Variants in HNRNPU observed in about 807,000 individuals in gnomAD.
The protein encoded by HNRNPU is heterogeneous nuclear ribonucleoprotein U, also known as HNRNPU antisense RNA 1.
Under a neutral mutation model 94.7 loss-of-function variants are expected in HNRNPU, and 5 were observed. The observed-to-expected ratio is 0.05, with a 90% confidence interval of 0.03 to 0.11. The LOEUF is 0.11. Ranked by LOEUF, HNRNPU falls within the 10% of genes least tolerant of loss-of-function variation. The pLI is 1.00. For missense variants in HNRNPU, 710 were observed against 1,049.2 expected (o/e 0.68, Z 4.47); for synonymous variants, 434 against 381.6 (o/e 1.14, Z -1.60).
At chr1:244,859,552 A>G in intron 4 of HNRNPU, 178 bp from the exon 5 acceptor site, 1 of 425,754 alleles carries the variant, frequency 2.3e-6, no homozygotes, top group Non-Finnish European at 4.2e-6. Flanking sequence ...ATAACTTGAA[A>G]TTTAAAGAGT....
Position 244,864,451 on chromosome 1 carries a change from T to C in HNRNPU, c.-144A>G. The stretch of plus-strand genomic sequence containing the variant: ...AGATGGGTTCGTGCTGCAGAGCGGA[T>C]CCGCCTGGTGTCGAACGGCGCCAAT... On this transcript the variant is annotated 5_prime_UTR_variant, in exon 1 of 14. Transcript: ENST00000640218. 7.1e-7 allele frequency: 1 copy of C among 1,406,390 alleles called. No individual in the cohort carries two copies. Among genetic ancestry groups the C allele is most frequent in the Non-Finnish European group, 9.6e-7 (1 of 1,046,422 alleles). The allele number at this position is 1,406,390 out of a possible 1,614,324, so 87.1% of individuals were successfully genotyped here. A position where few individuals can be genotyped will look rare whatever the true frequency, so the allele number is the denominator to read the frequency against.
At chr1:244,855,339 A>C in intron 12 of HNRNPU, 85 bp downstream of exon 12, 1 of 1,275,382 alleles carries the variant, frequency 7.8e-7, no homozygotes, top group South Asian at 1.3e-5. Flanking sequence ...CTTACGGATT[A>C]CTAAGACACC....
chr1:244,856,663 T>C (rs1680688240), intron 9 of HNRNPU, 38 bp from the exon 10 acceptor site: 1 of 1,610,642 alleles, frequency 6.2e-7, no homozygotes, highest in Non-Finnish European at 8.5e-7. Context: ...ACCCTAAACA[T>C]TAATTCTACA....
chr1:244,862,521 G>T lies in HNRNPU; in HGVS notation c.817C>A (p.Gln273Lys), dbSNP rs373483406. The T allele has an allele frequency of 2.5e-6, 4 of 1,613,758 alleles. No individual in the cohort carries two copies. Among genetic ancestry groups the T allele is most frequent in the African/African-American group, 2.7e-5 (2 of 74,926 alleles). Residue 273 changes from glutamine to lysine, a missense_variant, in exon 3 of 14, where the codon CAG becomes AAG. Transcript: ENST00000640218. ...ENKYSRAKSP[Q>K]PPVEEEDEHF... ...TCATCTTCTTCTTCAACAGGTGGCT[G>T]AGGAGATTTGGCTCTGAAAGACAGA... is the stretch of plus-strand genomic sequence containing the variant.
rs1040800444 is a variant in HNRNPU, at chr1:244,858,454, T to A, written c.1231-180A>T. The A allele has an allele frequency of 1.8e-5, 11 of 625,684 alleles. No individual in the cohort carries two copies. In the Admixed American group the frequency reaches 2.2e-4, roughly 12 times the overall value. The allele number at this position is 625,684 out of a possible 1,614,324, so 38.8% of individuals were successfully genotyped here. On this transcript the variant is annotated intron_variant, in intron 6 of 13. Coordinates refer to ENST00000640218, the MANE Select transcript of HNRNPU (RefSeq NM_031844.3). ...ATGGTTGTAAACCATGAAGCACGTATCTCCAGAACCAGAAACAATACTGAC... is the reference window on the plus strand; with the variant it reads ...ATGGTTGTAAACCATGAAGCACGTAACTCCAGAACCAGAAACAATACTGAC...
At chr1:244,862,395 TAAAAAAAAA>T (rs56937404) in intron 3 of HNRNPU, 57 bp downstream of exon 3, 6 of 799,426 alleles carry the variant, frequency 7.5e-6, no homozygotes, top group East Asian at 2.8e-5. Flanking sequence ...TTAAGACTTC[TAAAAAAAAA>T]AAAAAAAAAA....
At chr1:244,862,589 G>A (rs781480538) in intron 2 of HNRNPU, 30 bp downstream of exon 2, 112 of 1,605,144 alleles carry the variant, frequency 7.0e-5, no homozygotes, top group South Asian at 2.1e-4. Context: ...ACGAATAAGG[G>A]ATGAGTAAAA....
intron 12 of HNRNPU, 184 bp downstream of exon 12, chr1:244,855,237 CTTG>C: frequency 1.4e-6 from 1 of 724,584 alleles, no homozygotes; most frequent in East Asian, 2.5e-5. Context: ...ATGCATCTGA[CTTG>C]TTTAGTACAC....
In HNRNPU at chr1:244,857,663, G is replaced by A; in HGVS notation, c.1549C>T (p.His517Tyr). 4 of 1,613,256 alleles carry A rather than the reference G, an allele frequency of 2.5e-6. No individual in the cohort carries two copies. Among genetic ancestry groups the A allele is most frequent in the South Asian group, 1.1e-5 (1 of 91,072 alleles). Residue 517 changes from histidine (H) to tyrosine (Y), a missense_variant, in exon 8 of 14, where the codon CAT becomes TAT. His to Tyr is a moderately conservative substitution (Grantham distance 83). Coordinates refer to ENST00000640218, the MANE Select transcript of HNRNPU (RefSeq NM_031844.3). ...TATTTCCCTGGATTTTCTGCTGCAT[G>A]TTTAGTAACCCAGGTAGTTTTTCCA... ...GAGKTTWVTKHAAENPGKYNI... is the reference protein window; with the variant it reads ...GAGKTTWVTKYAAENPGKYNI...
Position 244,851,053 on chromosome 1 carries a change from C to CGGA in HNRNPU, c.*3396_*3397insTCC, listed in dbSNP as rs1680536199. 2 of 152,142 alleles carry CGGA rather than the reference C, an allele frequency of 1.3e-5. No individual in the cohort carries two copies. The highest frequency in any genetic ancestry group is 4.8e-5 in the African/African-American group (2 of 41,430). The allele number at this position is 152,142 out of a possible 1,614,324, so 9.4% of individuals were successfully genotyped here. Reference sequence around the variant, plus strand: ...CAAACTCCTGAGCTCAAGTGATCCTCCCGCCTTGGCCTCCCAAAGTGCTAG... The same window carrying CGGA: ...CAAACTCCTGAGCTCAAGTGATCCTCGGACCGCCTTGGCCTCCCAAAGTGCTAG... On this transcript the variant is annotated 3_prime_UTR_variant, in exon 14 of 14. Coordinates refer to ENST00000640218, the MANE Select transcript of HNRNPU (RefSeq NM_031844.3).
chr1:244,857,517 G>C (rs1031344331), intron 8 of HNRNPU, 81 bp downstream of exon 8: 9 of 1,406,784 alleles, frequency 6.4e-6, no homozygotes, highest in Non-Finnish European at 7.8e-6. Context: ...AAAATGCTGA[G>C]ATTACAGGCG....
intron 1 of HNRNPU, 104 bp from the exon 2 acceptor site, chr1:244,862,834 TG>T: frequency 2.5e-6 from 2 of 803,060 alleles, no homozygotes; most frequent in Non-Finnish European, 4.4e-6. Flanking sequence ...GCTTTTTAAC[TG>T]AGGTTTTAAC....
chr1:244,862,322 G>A (rs935322238), intron 3 of HNRNPU, 139 bp downstream of exon 3: 6 of 616,158 alleles, frequency 9.7e-6, no homozygotes, highest in Non-Finnish European at 1.7e-5. Context: ...ACTAGGTTCT[G>A]AATGTAAACC....
intron 3 of HNRNPU, chr1:244,862,085 C>A (rs1680845852): frequency 5.8e-6 from 1 of 173,720 alleles, no homozygotes; most frequent in Non-Finnish European, 1.2e-5. Flanking sequence ...TTAACTAGCC[C>A]AAATAGCTCA....
rs773186113 is a variant in HNRNPU, at chr1:244,860,374, G to A, written c.978C>T (p.Ser326=). Residue 326 remains serine (S), a synonymous_variant, in exon 4 of 14, where the codon TCC becomes TCT. Coordinates refer to ENST00000640218, the MANE Select transcript of HNRNPU (RefSeq NM_031844.3). ...ACACTTTGCCTTTTGACACACCATAGGATGCTCTTCCTCCAGCCCAAAGAA... is the reference window on the plus strand; with the variant it reads ...ACACTTTGCCTTTTGACACACCATAAGATGCTCTTCCTCCAGCCCAAAGAA... ...FAFLWAGGRA[S]YGVSKGKVCF... The A allele has an allele frequency of 5.6e-6, 9 of 1,613,494 alleles. No homozygotes were observed. Among genetic ancestry groups the A allele is most frequent in the South Asian group, 2.2e-5 (2 of 90,992 alleles).
chr1:244,858,444 G>C, intron 6 of HNRNPU, 170 bp from the exon 7 acceptor site: 1 of 636,614 alleles, frequency 1.6e-6, no homozygotes, highest in Non-Finnish European at 2.7e-6. Flanking sequence ...TGTAAACCAT[G>C]AAGCACGTAT....
intron 1 of HNRNPU, chr1:244,863,253 G>C (rs1300346225): frequency 5.6e-6 from 1 of 178,872 alleles, no homozygotes. Context: ...ACATGTGCCC[G>C]CACCGCGCGC....
intron 13 of HNRNPU, 93 bp from the exon 14 acceptor site, chr1:244,854,596 T>G (rs964698769): frequency 1.1e-6 from 1 of 876,512 alleles, no homozygotes; most frequent in Admixed American, 2.0e-5. Flanking sequence ...TCAGAGTAAT[T>G]TGCTGGAAAC....
chr1:244,860,113 T>C, intron 4 of HNRNPU: 1 of 432,164 alleles, frequency 2.3e-6, no homozygotes. Context: ...CAGCCTGGCC[T>C]ACGTGGTGAA....
Sources: gnomAD v4.1 joint callset for allele counts on GRCh38, gnomAD v4.1.1 for gene constraint, MANE v1.5 for transcripts, NCBI Gene and HGNC (gene_info 2026-07-23, HGNC 2026-07-21) for gene names.